Variants in RHBDL3 observed in about 807,000 individuals in gnomAD.
The protein encoded by RHBDL3 is rhomboid like 3, also known as rhomboid-related protein 3.
A neutral mutation model predicts 48.2 loss-of-function variants in RHBDL3; 28 were observed. The ratio of observed to expected loss-of-function variants is 0.58; its 90% CI spans 0.43 to 0.80. RHBDL3 has a LOEUF of 0.80. Ranked by LOEUF, RHBDL3 falls within the 30% of genes least tolerant of loss-of-function variation. The pLI is 0.00. For missense variants in RHBDL3, 464 were observed against 542.7 expected (o/e 0.85, Z 1.44); for synonymous variants, 208 against 232.3 (o/e 0.90, Z 0.95).
chr17:32,293,458 T>C (rs2150723214), intron 4 of RHBDL3, among the ~76,000 whole-genome samples: 2 of 152,038 alleles, frequency 1.3e-5, no homozygotes, highest in Middle Eastern at 3.4e-3. Context: ...GGTGCACTCC[T>C]GTAATCCCAG....
At chr17:32,305,588 G>A in intron 7 of RHBDL3, 147 bp downstream of exon 7, 1 of 655,248 alleles carries the variant, frequency 1.5e-6, no homozygotes, top group Non-Finnish European at 2.8e-6. Flanking sequence ...ACCCTCTGCA[G>A]GCCCATTTCA....
intron 3 of RHBDL3, among the ~76,000 whole-genome samples, chr17:32,285,674 AG>A (rs1252330038): frequency 6.6e-6 from 1 of 152,210 alleles, no homozygotes; most frequent in Non-Finnish European, 1.5e-5. Context: ...GTGAACAAGC[AG>A]GTTGAAAATA....
intron 5 of RHBDL3, among the ~76,000 whole-genome samples, chr17:32,296,265 A>AG (rs1238818385): frequency 6.6e-5 from 10 of 150,418 alleles, no homozygotes; most frequent in African/African-American, 2.2e-4. Context: ...AAAAGAAAAA[A>AG]GAAAAAAAAC....
At chr17:32,307,975 C>T (rs1055899972) in intron 7 of RHBDL3, among the ~76,000 whole-genome samples, 2 of 152,096 alleles carry the variant, frequency 1.3e-5, no homozygotes, top group African/African-American at 4.8e-5. Context: ...GGAAGAAGCA[C>T]GCTGGCATTC....
At chr17:32,284,622 G>A (rs756926572) in intron 2 of RHBDL3, 37 bp from the exon 3 acceptor site, 2 of 1,606,412 alleles carry the variant, frequency 1.2e-6, no homozygotes, top group South Asian at 1.1e-5. Flanking sequence ...AGGAGGTGGT[G>A]CCCTGCTGAC....
At position 32,303,363 on chromosome 17, in the gene RHBDL3, T is replaced by C. The variant is rs116071501; in HGVS notation, c.782-1978T>C. 3.5e-3 allele frequency among the ~76,000 whole-genome samples: 530 copies of C among 152,324 alleles called. 4 individuals are homozygous for C. The highest frequency in any genetic ancestry group is 0.012 in the African/African-American group (501 of 41,586). ...GAGCAGCTTGGGCAGCCAGCCCTCA[T>C]TGTAGCCCTGCAATGCAGCCTTCGA... On this transcript the variant is annotated intron_variant, in intron 6 of 8. Transcript: ENST00000269051.
chr17:32,275,476 G>A (rs1235234196), intron 2 of RHBDL3, among the ~76,000 whole-genome samples: 4 of 152,192 alleles, frequency 2.6e-5, no homozygotes, highest in Non-Finnish European at 5.9e-5. Context: ...GGAAGGAATA[G>A]GCCCAGTGGA....
intron 6 of RHBDL3, among the ~76,000 whole-genome samples, chr17:32,303,309 C>A (rs371266413): frequency 1.2e-4 from 19 of 152,176 alleles, no homozygotes; most frequent in African/African-American, 4.3e-4. Flanking sequence ...GAGGCTGGGG[C>A]TTCCTCTGTC....
chr17:32,309,768 TTC>T (rs2040797617), intron 7 of RHBDL3, among the ~76,000 whole-genome samples: 1 of 106,016 alleles, frequency 9.4e-6, no homozygotes, highest in Non-Finnish European at 1.9e-5. Context: ...TAATCAAGAC[TTC>T]TTTTTTTTTT....
chr17:32,320,866 G>A, intron 8 of RHBDL3, 92 bp from the exon 9 acceptor site: 2 of 883,698 alleles, frequency 2.3e-6, no homozygotes, highest in Non-Finnish European at 3.6e-6. Flanking sequence ...TGGCCTAATA[G>A]GGAATGAATT....
At chr17:32,292,353 A>G (rs1166176073) in intron 4 of RHBDL3, among the ~76,000 whole-genome samples, 21 of 152,208 alleles carry the variant, frequency 1.4e-4, no homozygotes, top group Admixed American at 1.3e-3. Context: ...ACATAGAATT[A>G]CCATATGATC....
At position 32,311,123 on chromosome 17, in the gene RHBDL3, T is replaced by C. The variant is rs953316693; in HGVS notation, c.883-5109T>C. On this transcript the variant is annotated intron_variant, in intron 7 of 8. Transcript: ENST00000269051. ...TAACCCGTTTGGGTGAGCAAGATGC[T>C]GAGGGGACTGGTTACCAACTTGTTC... 2.6e-5 allele frequency among the ~76,000 whole-genome samples: 4 copies of C among 152,202 alleles called. No homozygotes were observed. In the South Asian group the frequency reaches 6.2e-4, roughly 24 times the overall value.
intron 8 of RHBDL3, among the ~76,000 whole-genome samples, chr17:32,316,986 C>T (rs2040991279): frequency 6.6e-6 from 1 of 151,872 alleles, no homozygotes; most frequent in Non-Finnish European, 1.5e-5. Flanking sequence ...ATTCTCCTGT[C>T]TCAGCCCCCC....
chr17:32,282,868 T>C (rs1171045633), intron 2 of RHBDL3, among the ~76,000 whole-genome samples: 3 of 152,140 alleles, frequency 2.0e-5, no homozygotes, highest in Non-Finnish European at 4.4e-5. Context: ...GTGATCCACC[T>C]GCCTCGGCCT....
At chr17:32,309,069 C>CA (rs1217192503) in intron 7 of RHBDL3, among the ~76,000 whole-genome samples, 7 of 149,638 alleles carry the variant, frequency 4.7e-5, no homozygotes, top group African/African-American at 1.2e-4. Flanking sequence ...GACCCTGTCT[C>CA]AAAAAAAAAT....
intron 4 of RHBDL3, among the ~76,000 whole-genome samples, chr17:32,291,776 T>TC (rs1397786844): frequency 6.7e-6 from 1 of 150,228 alleles, no homozygotes; most frequent in Non-Finnish European, 1.5e-5. Flanking sequence ...TATTCCTTTT[T>TC]TTTTTTTTTT....
intron 2 of RHBDL3, among the ~76,000 whole-genome samples, chr17:32,276,623 A>G (rs980440636): frequency 1.1e-4 from 17 of 152,196 alleles, no homozygotes; most frequent in African/African-American, 4.1e-4. Context: ...AGCTGCCTGC[A>G]CCATACTTCA....
intron 2 of RHBDL3, among the ~76,000 whole-genome samples, chr17:32,270,809 ATTTT>A (rs1380710964): frequency 6.6e-6 from 1 of 152,156 alleles, no homozygotes; most frequent in Non-Finnish European, 1.5e-5. Context: ...GTCTTTTCAT[ATTTT>A]GGAGATCTTG....
At chr17:32,301,317 C>T (rs1199765743) in intron 6 of RHBDL3, among the ~76,000 whole-genome samples, 1 of 151,788 alleles carries the variant, frequency 6.6e-6, no homozygotes, top group Non-Finnish European at 1.5e-5. Flanking sequence ...CCTGTAATCC[C>T]AGCACTTTGG....
Sources: gnomAD v4.1 joint callset for allele counts (sites outside exome capture counted in the v4.1 genomes callset) on GRCh38, gnomAD v4.1.1 for gene constraint, MANE v1.5 for transcripts, NCBI Gene and HGNC (gene_info 2026-07-23, HGNC 2026-07-21) for gene names.